TBC1D2B: variants seen among roughly 807,000 people sequenced by gnomAD.
TBC1D2B encodes the protein TBC1 domain family, member 2B.
TBC1D2B carries 64 observed loss-of-function variants against 100.8 expected under a neutral mutation model. That is an observed-to-expected ratio of 0.64 (90% CI 0.52 to 0.78). TBC1D2B has a LOEUF of 0.78. Among genes scored for constraint, TBC1D2B ranks in the 30% least tolerant of loss-of-function variants. The probability of loss-of-function intolerance (pLI) is 0.00; values close to 1 mark genes in which losing one functional copy is unlikely to be tolerated. For synonymous variants in TBC1D2B, 480 were observed against 479.7 expected, an observed-to-expected ratio of 1.00 and a Z score of -0.01; for missense variants, 1,052 against 1,218.4, an observed-to-expected ratio of 0.86 and a Z score of 2.03.
intron 1 of TBC1D2B, among the ~76,000 whole-genome samples, chr15:78,076,214 CTCCTGCTTCT>C (rs2073826575): frequency 1.3e-5 from 2 of 152,220 alleles, no homozygotes; most frequent in Admixed American, 1.3e-4. Context: ...TGACTCTACT[CTCCTGCTTCT>C]ACACTGTATC....
intron 1 of TBC1D2B, among the ~76,000 whole-genome samples, chr15:78,070,582 A>G (rs1422708483): frequency 1.3e-5 from 2 of 152,250 alleles, no homozygotes; most frequent in East Asian, 3.8e-4. Flanking sequence ...TCAGTGAACT[A>G]CAGCCTGCGG....
At chr15:78,041,796 A>G (rs911307663) in intron 3 of TBC1D2B, among the ~76,000 whole-genome samples, 2 of 152,236 alleles carry the variant, frequency 1.3e-5, no homozygotes, top group Admixed American at 1.3e-4. Flanking sequence ...CTCTGTGAAG[A>G]ATGGCTTTGT....
At chr15:78,061,658 G>T (rs1259135532) in intron 1 of TBC1D2B, among the ~76,000 whole-genome samples, 2 of 149,810 alleles carry the variant, frequency 1.3e-5, no homozygotes, top group Admixed American at 1.3e-4. Context: ...AATAAGTGAT[G>T]CCCTGGGTGA....
intron 4 of TBC1D2B, among the ~76,000 whole-genome samples, chr15:78,028,732 G>A (rs902150744): frequency 2.6e-5 from 4 of 152,178 alleles, no homozygotes; most frequent in South Asian, 4.1e-4. Context: ...CTAACTGCCC[G>A]TATACAGGAA....
chr15:78,026,616 T>C (rs1030507230), intron 4 of TBC1D2B, among the ~76,000 whole-genome samples: 4 of 152,110 alleles, frequency 2.6e-5, no homozygotes, highest in Non-Finnish European at 5.9e-5. Context: ...TTCCCCTTCT[T>C]AAAAAATGGG....
chr15:78,003,288 G>A lies in TBC1D2B; in HGVS notation c.2574+17C>T, dbSNP rs899046037. 3.1e-6 allele frequency: 5 copies of A among 1,609,456 alleles called. No individual in the cohort carries two copies. The highest frequency in any genetic ancestry group is 3.4e-6 in the Non-Finnish European group (4 of 1,176,226). On this transcript the variant is annotated intron_variant, in intron 11 of 12. Coordinates refer to ENST00000300584, the MANE Select transcript of TBC1D2B (RefSeq NM_144572.2). ...CAAGTGTGTATATCTGAAAATAGCTGAGCTGAGCTAACTCACCTTTGGTCC... is the reference window on the plus strand; with the variant it reads ...CAAGTGTGTATATCTGAAAATAGCTAAGCTGAGCTAACTCACCTTTGGTCC...
chr15:78,029,024 G>A (rs11638311), intron 4 of TBC1D2B, among the ~76,000 whole-genome samples: 2 of 151,922 alleles, frequency 1.3e-5, no homozygotes, highest in East Asian at 1.9e-4. Flanking sequence ...AGGATTTATT[G>A]TAACTGTAAA....
rs1305450784 is a variant in TBC1D2B at position 78,019,532 on chromosome 15, G to A, written c.1471-1575C>T. Among the ~76,000 whole-genome samples, 4 of 151,866 alleles carry A rather than the reference G, an allele frequency of 2.6e-5. 1 individual carries two copies. Among genetic ancestry groups the A allele is most frequent in the Admixed American group, 2.6e-4 (4 of 15,260 alleles). On this transcript the variant is annotated intron_variant, in intron 6 of 12. Transcript: ENST00000300584. ...CAAGTACTTGAAATGTTGAATGTTG[G>A]ACTTCCTTTTCTCACCTGAATCTCC...
At chr15:78,074,013 CTTGTTTGTTTGT>C (rs373444852) in intron 1 of TBC1D2B, among the ~76,000 whole-genome samples, 10 of 149,048 alleles carry the variant, frequency 6.7e-5, no homozygotes, top group African/African-American at 1.7e-4. Flanking sequence ...GTGTTTTTTG[CTTGTTTGTTTGT>C]TTGTTTGTTT....
intron 3 of TBC1D2B, among the ~76,000 whole-genome samples, chr15:78,033,491 G>A (rs982433601): frequency 5.9e-5 from 9 of 152,260 alleles, no homozygotes; most frequent in Middle Eastern, 3.4e-3. Flanking sequence ...GGTTGCCCAG[G>A]GCCGGGTATT....
chr15:78,001,339 T>C (rs1391216527), intron 12 of TBC1D2B, among the ~76,000 whole-genome samples: 1 of 152,244 alleles, frequency 6.6e-6, no homozygotes, highest in Non-Finnish European at 1.5e-5. Flanking sequence ...ACAAAGCAGG[T>C]ACTCAGTAAA....
intron 10 of TBC1D2B, among the ~76,000 whole-genome samples, 186 bp downstream of exon 10, chr15:78,008,811 C>T (rs978174453): frequency 6.6e-5 from 10 of 152,332 alleles, no homozygotes; most frequent in South Asian, 4.1e-4. Flanking sequence ...CCCAACTCGG[C>T]CTCAGTCACA....
chr15:78,044,432 A>G (rs759482505), intron 3 of TBC1D2B, among the ~76,000 whole-genome samples: 1 of 152,180 alleles, frequency 6.6e-6, no homozygotes, highest in Admixed American at 6.5e-5. Flanking sequence ...TCTCATAAAA[A>G]CCAACCAAAC....
chr15:78,021,492 C>A (rs1166350635), intron 6 of TBC1D2B, among the ~76,000 whole-genome samples: 1 of 152,178 alleles, frequency 6.6e-6, no homozygotes, highest in Non-Finnish European at 1.5e-5. Flanking sequence ...TGGAGCCTTT[C>A]CAGTTCTCCC....
rs10444862 is a variant in TBC1D2B at position 78,025,352 on chromosome 15, G to A, written c.993C>T (p.Val331=). 8.7e-6 allele frequency: 14 copies of A among 1,613,784 alleles called. No individual in the cohort carries two copies. The highest frequency in any genetic ancestry group is 2.7e-5 in the African/African-American group (2 of 74,884). The part of the protein sequence containing the change: ...SSEGTSGSGS[V]SIRKPASEMQ... ...TTTCGGAGGCCGGCTTCCTGATGCT[G>A]ACGCTGCCACTGCCTGATGTGCCTT... Residue 331 remains valine, a synonymous_variant, in exon 5 of 13, where the codon GTC becomes GTT. Transcript: ENST00000300584.
At chr15:78,026,182 A>G (rs1426958554) in intron 4 of TBC1D2B, among the ~76,000 whole-genome samples, 2 of 151,484 alleles carry the variant, frequency 1.3e-5, no homozygotes, top group Admixed American at 6.6e-5. Context: ...AAACATTGCT[A>G]TACTTTGAAT....
intron 2 of TBC1D2B, among the ~76,000 whole-genome samples, chr15:78,052,892 G>A (rs1171216159): frequency 2.0e-5 from 3 of 152,160 alleles, no homozygotes; most frequent in East Asian, 1.9e-4. Flanking sequence ...ACATAAGGGC[G>A]CATAAAGTTG....
chr15:78,051,065 A>G (rs1015857088), intron 2 of TBC1D2B, among the ~76,000 whole-genome samples: 3 of 152,230 alleles, frequency 2.0e-5, no homozygotes, highest in Admixed American at 1.3e-4. Flanking sequence ...CAGGAAAGCT[A>G]ATACACTCTA....
At chr15:78,048,157 A>G (rs1204256100) in intron 2 of TBC1D2B, among the ~76,000 whole-genome samples, 1 of 152,220 alleles carries the variant, frequency 6.6e-6, no homozygotes, top group Non-Finnish European at 1.5e-5. Flanking sequence ...AGAGGCCCCA[A>G]GGAGGGGTGG....
Sources: gnomAD v4.1 joint callset for allele counts (sites outside exome capture counted in the v4.1 genomes callset) on GRCh38, gnomAD v4.1.1 for gene constraint, MANE v1.5 for transcripts, NCBI Gene and HGNC (gene_info 2026-07-23, HGNC 2026-07-21) for gene names.